SLC24A2: variants seen among roughly 807,000 people sequenced by gnomAD.
SLC24A2 encodes sodium/potassium/calcium exchanger 2.
A neutral mutation model predicts 62.0 loss-of-function variants in SLC24A2; 36 were observed. The ratio of observed to expected loss-of-function variants is 0.58; its 90% CI spans 0.44 to 0.77. The LOEUF (loss-of-function observed/expected upper bound fraction) is 0.77, where lower values mean the gene tolerates loss of function less well. Ranked by LOEUF, SLC24A2 falls within the 30% of genes least tolerant of loss-of-function variation. The pLI is 0.00. For missense variants in SLC24A2, 846 were observed against 817.9 expected, an observed-to-expected ratio of 1.03 and a Z score of -0.42; for synonymous variants, 358 against 294.0, an observed-to-expected ratio of 1.22 and a Z score of -2.23.
chr9:20,097,473 A>G, the SLC24A2 span, among the ~76,000 whole-genome samples: 1 of 152,124 alleles, frequency 6.6e-6, no homozygotes, highest in Admixed American at 6.5e-5. Context: ...TTGGGAGTCA[A>G]TTTAATGAAG....
chr9:19,761,629 C>G (rs1372976257), intron 2 of SLC24A2, among the ~76,000 whole-genome samples: 2 of 151,944 alleles, frequency 1.3e-5, no homozygotes, highest in African/African-American at 4.8e-5. Flanking sequence ...CTGTCCCTCC[C>G]CCCTTTCCCC....
rs2132617934 is a variant in SLC24A2 at position 19,515,323 on chromosome 9, C to G, written c.*830G>C. 6.6e-6 allele frequency: 1 copy of G among 152,312 alleles called. No homozygotes were observed. Among genetic ancestry groups the G allele is most frequent in the Non-Finnish European group, 1.5e-5 (1 of 68,034 alleles). The allele number at this position is 152,312 out of a possible 1,614,324, so 9.4% of individuals were successfully genotyped here. A position where few individuals can be genotyped will look rare whatever the true frequency, so the allele number is the denominator to read the frequency against. On this transcript the variant is annotated 3_prime_UTR_variant, in exon 11 of 11. Transcript: ENST00000341998. The stretch of plus-strand genomic sequence containing the variant: ...ACCCAGCCTGGGTTTTTACCTCTTT[C>G]TGTCCTAAGTACCCTGAGTTTCTTG...
At chr9:19,586,616 A>G (rs1454500159) in intron 5 of SLC24A2, among the ~76,000 whole-genome samples, 1 of 151,954 alleles carries the variant, frequency 6.6e-6, no homozygotes, top group Non-Finnish European at 1.5e-5. Flanking sequence ...AGATAATCTA[A>G]TTGAGTTCAG....
the SLC24A2 span, among the ~76,000 whole-genome samples, chr9:19,980,399 GCAGCAGCTCAAAATGGTTGCAC>G: frequency 6.6e-6 from 1 of 152,152 alleles, no homozygotes; most frequent in African/African-American, 2.4e-5. Flanking sequence ...TTGAAGGACA[GCAGCAGCTCAAAATGGTTGCAC>G]CATCAAGTGC....
At chr9:19,636,387 C>CTTTCTTTTTCTTTCTTTCTTTCTT (rs1564010053) in intron 2 of SLC24A2, among the ~76,000 whole-genome samples, 3 of 22,322 alleles carry the variant, frequency 1.3e-4, no homozygotes, top group African/African-American at 4.6e-4. Context: ...TTCTTTCTTT[C>CTTTCTTTTTCTTTCTTTCTTTCTT]TCCCTCTCTC....
chr9:20,247,270 G>A, the SLC24A2 span, among the ~76,000 whole-genome samples: 1 of 152,092 alleles, frequency 6.6e-6, no homozygotes, highest in Non-Finnish European at 1.5e-5. Flanking sequence ...CAAATCCCAT[G>A]GTGCTATCAT....
At chr9:19,521,903 C>G (rs192618245) in intron 9 of SLC24A2, among the ~76,000 whole-genome samples, 56 of 148,622 alleles carry the variant, frequency 3.8e-4, no homozygotes, top group African/African-American at 1.4e-3. Flanking sequence ...TTTTCTTTGC[C>G]TTTTAAGACT....
In SLC24A2 at chr9:19,618,889, T is replaced by G. The variant is rs147434732; in HGVS notation, c.1078+695A>C. On this transcript the variant is annotated intron_variant, in intron 4 of 10. Coordinates refer to ENST00000341998, the MANE Select transcript of SLC24A2 (RefSeq NM_020344.4). The stretch of plus-strand genomic sequence containing the variant: ...ATATCTATCAACTTGAAAATAATTT[T>G]GGGGAATATTTATGCAGCTGAAGAA... Among the ~76,000 whole-genome samples the G allele has an allele frequency of 8.9e-4, 135 of 152,336 alleles. 1 individual carries two copies. Among genetic ancestry groups the G allele is most frequent in the African/African-American group, 2.8e-3 (115 of 41,586 alleles).
chr9:19,988,600 G>A, the SLC24A2 span, among the ~76,000 whole-genome samples: 1 of 152,172 alleles, frequency 6.6e-6, no homozygotes, highest in South Asian at 2.1e-4. Flanking sequence ...AGGGAGGGAG[G>A]ATCTGGCTTG....
At chr9:19,792,536 CAAAA>C (rs1165695410), upstream of SLC24A2, among the ~76,000 whole-genome samples, 957 of 74,588 alleles carry the variant, frequency 0.013, 3 homozygotes, top group Middle Eastern at 0.096. Context: ...ACTAAAAATA[CAAAA>C]AAAAAAAAAA....
chr9:20,027,036 T>C, the SLC24A2 span, among the ~76,000 whole-genome samples: 3 of 152,136 alleles, frequency 2.0e-5, no homozygotes, highest in African/African-American at 7.2e-5. Context: ...AAAGAAGACA[T>C]ACATATGGCC....
the SLC24A2 span, among the ~76,000 whole-genome samples, chr9:20,043,809 A>G: frequency 6.6e-6 from 1 of 150,926 alleles, no homozygotes; most frequent in African/African-American, 2.5e-5. Flanking sequence ...GAAATGATGA[A>G]GAGGATTTAG....
At chr9:20,040,821 A>G in the SLC24A2 span, among the ~76,000 whole-genome samples, 16 of 152,324 alleles carry the variant, frequency 1.1e-4, no homozygotes, top group Non-Finnish European at 1.8e-4. Flanking sequence ...TGCTTTCCAC[A>G]TGTATTTTGT....
At chr9:19,886,899 G>T in the SLC24A2 span, among the ~76,000 whole-genome samples, 2 of 152,028 alleles carry the variant, frequency 1.3e-5, no homozygotes, top group African/African-American at 2.4e-5. Context: ...CATGTCCTTT[G>T]CAGGGACATG....
intron 7 of SLC24A2, among the ~76,000 whole-genome samples, chr9:19,555,684 C>A (rs1341895312): frequency 2.0e-5 from 3 of 152,176 alleles, no homozygotes; most frequent in Non-Finnish European, 4.4e-5. Flanking sequence ...GTGGCTCACA[C>A]CTGTAATCCC....
At chr9:20,242,161 C>T in the SLC24A2 span, among the ~76,000 whole-genome samples, 7 of 152,148 alleles carry the variant, frequency 4.6e-5, no homozygotes, top group Non-Finnish European at 1.0e-4. Context: ...CCCCACAGTC[C>T]CCAACATTAA....
chr9:19,550,788 A>T (rs564697965), intron 7 of SLC24A2, among the ~76,000 whole-genome samples: 1 of 151,964 alleles, frequency 6.6e-6, no homozygotes, highest in East Asian at 1.9e-4. Context: ...ACTAAGAGAG[A>T]TTAACTTCCC....
chr9:19,955,389 T>G, the SLC24A2 span, among the ~76,000 whole-genome samples: 6 of 150,358 alleles, frequency 4.0e-5, no homozygotes, highest in East Asian at 6.0e-4. Flanking sequence ...TTTTTTTTTT[T>G]TTGTTTTCCT....
intron 2 of SLC24A2, among the ~76,000 whole-genome samples, chr9:19,641,787 A>G (rs771184257): frequency 6.6e-6 from 1 of 152,196 alleles, no homozygotes; most frequent in Non-Finnish European, 1.5e-5. Flanking sequence ...GTCTATTCCC[A>G]AACCTGTTAC....
Sources: allele counts gnomAD v4.1 joint callset (sites outside exome capture counted in the v4.1 genomes callset), GRCh38; gene constraint gnomAD v4.1.1; transcripts MANE v1.5; gene names NCBI Gene and HGNC (gene_info 2026-07-23, HGNC 2026-07-21).